The following VAV1 variants were observed in gnomAD, a reference collection of about 807,000 sequenced individuals.
The protein encoded by VAV1 is vav guanine nucleotide exchange factor 1.
Under a neutral mutation model 128.1 loss-of-function variants are expected in VAV1, and 33 were observed. The ratio of observed to expected loss-of-function variants is 0.26; its 90% CI spans 0.20 to 0.34. The LOEUF (loss-of-function observed/expected upper bound fraction) is 0.34, where lower values mean the gene tolerates loss of function less well. Among genes scored for constraint, VAV1 ranks in the 10% least tolerant of loss-of-function variants. The probability of loss-of-function intolerance (pLI) is 1.00; values close to 1 mark genes in which losing one functional copy is unlikely to be tolerated. For missense variants in VAV1, 715 were observed against 1,093.7 expected, an observed-to-expected ratio of 0.65 and a Z score of 4.88; for synonymous variants, 394 against 409.8, an observed-to-expected ratio of 0.96 and a Z score of 0.47.
chr19:6,832,894 G>C (rs944986366), intron 15 of VAV1, among the ~76,000 whole-genome samples: 2 of 152,118 alleles, frequency 1.3e-5, no homozygotes, highest in African/African-American at 2.4e-5. Flanking sequence ...CCTCTATCCA[G>C]TTTCAAAACC....
chr19:6,815,072 C>T (rs775412473), intron 1 of VAV1, among the ~76,000 whole-genome samples: 7 of 151,934 alleles, frequency 4.6e-5, no homozygotes, highest in Non-Finnish European at 1.0e-4. Context: ...GAGCCTTGGG[C>T]GAGCAACAGA....
At chr19:6,799,654 T>C (rs985180212) in intron 1 of VAV1, among the ~76,000 whole-genome samples, 3 of 151,912 alleles carry the variant, frequency 2.0e-5, no homozygotes, top group Non-Finnish European at 4.4e-5. Context: ...TGGTTGAGGT[T>C]TGAATTACTG....
In VAV1 at chr19:6,772,879, C is replaced by G. The variant is rs1970534049; in HGVS notation, c.72C>G (p.Thr24=). The G allele has an allele frequency of 6.2e-7, 1 of 1,614,150 alleles. No individual in the cohort carries two copies. Among genetic ancestry groups the G allele is most frequent in the South Asian group, 1.1e-5 (1 of 91,090 alleles). ...CRVLPPSHRV[T]WDGAQVCELA... ...TGCTGCCGCCCAGCCACCGCGTGAC[C>G]TGGGATGGGGCTCAGGTGTGTGAAC... The change falls in exon 1 of 27, where the codon ACC becomes ACG. Residue 24 remains threonine, a synonymous_variant. Transcript: ENST00000602142. The surrounding 1 kb of genome is among the most constrained non-coding windows in gnomAD (Gnocchi z 4.8).
chr19:6,805,603 C>CACACACACACACAT (rs1971378685), intron 1 of VAV1, among the ~76,000 whole-genome samples: 1 of 151,284 alleles, frequency 6.6e-6, no homozygotes, highest in Non-Finnish European at 1.5e-5. Flanking sequence ...CACACACACA[C>CACACACACACACAT]ACACACACAC....
chr19:6,832,281 T>C (rs1324503147), intron 15 of VAV1, 81 bp downstream of exon 15: 1 of 1,331,728 alleles, frequency 7.5e-7, no homozygotes, highest in Non-Finnish European at 1.1e-6. Context: ...GTCCCTACTC[T>C]GTCCTGACAT....
At chr19:6,802,345 A>G (rs1435280786) in intron 1 of VAV1, among the ~76,000 whole-genome samples, 1 of 152,022 alleles carries the variant, frequency 6.6e-6, no homozygotes, top group East Asian at 1.9e-4. Flanking sequence ...TATAATAATA[A>G]TAAAATTAAA....
At chr19:6,832,351 A>AG in intron 15 of VAV1, 151 bp downstream of exon 15, 1 of 727,014 alleles carries the variant, frequency 1.4e-6, no homozygotes, top group East Asian at 2.7e-5. Context: ...GACAGGCCCA[A>AG]GGCTGTCTTC....
intron 22 of VAV1, 109 bp from the exon 23 acceptor site, chr19:6,847,889 C>A: frequency 9.7e-7 from 1 of 1,029,392 alleles, no homozygotes; most frequent in East Asian, 3.0e-5. Flanking sequence ...CAGGCTGTCA[C>A]CAACTTAAAA....
chr19:6,807,330 G>A (rs963955959), intron 1 of VAV1, among the ~76,000 whole-genome samples: 4 of 151,902 alleles, frequency 2.6e-5, no homozygotes, highest in Non-Finnish European at 5.9e-5. Flanking sequence ...GGAGACAGTG[G>A]CAGATCATCA....
At chr19:6,827,938 C>A in intron 9 of VAV1, 138 bp from the exon 10 acceptor site, 1 of 680,778 alleles carries the variant, frequency 1.5e-6, no homozygotes, top group Non-Finnish European at 2.6e-6. Context: ...AGATATGATG[C>A]TTTGGCCTCT....
chr19:6,847,945 G>T, intron 22 of VAV1, 53 bp from the exon 23 acceptor site: 1 of 1,421,064 alleles, frequency 7.0e-7, no homozygotes, highest in Non-Finnish European at 9.2e-7. Context: ...ATGGCAATAT[G>T]GGGACCCAGG....
intron 24 of VAV1, among the ~76,000 whole-genome samples, chr19:6,852,614 G>C (rs564328576): frequency 6.6e-6 from 1 of 151,800 alleles, no homozygotes; most frequent in African/African-American, 2.4e-5. Flanking sequence ...CCAGCTACTC[G>C]GGAGGCTGAG....
rs1273422725 is a variant in VAV1 at position 6,828,509 on chromosome 19, G to A, written c.1092+22G>A. 2 of 1,613,980 alleles carry A rather than the reference G, an allele frequency of 1.2e-6. No homozygotes were observed. The highest frequency in any genetic ancestry group is 2.7e-5 in the African/African-American group (2 of 74,898). On this transcript the variant is annotated intron_variant, in intron 11 of 26. Coordinates refer to ENST00000602142, the MANE Select transcript of VAV1 (RefSeq NM_005428.4). The surrounding 1 kb of genome is among the most constrained non-coding windows in gnomAD (Gnocchi z 4.5). ...GAGGGTGAGTGGGTGTAGGGTGCTG[G>A]TGACTCACCTGCTGCAGACACCCTC...
chr19:6,814,682 T>TCTCTCTCTCTCTCTCTC (rs1971595417), intron 1 of VAV1, among the ~76,000 whole-genome samples: 1 of 111,518 alleles, frequency 9.0e-6, no homozygotes, highest in African/African-American at 4.4e-5. Flanking sequence ...CTTTCTTTCT[T>TCTCTCTCTCTCTCTCTC]TCTTTCTTTC....
intron 21 of VAV1, among the ~76,000 whole-genome samples, chr19:6,839,974 G>C (rs534212378): frequency 9.3e-4 from 142 of 152,274 alleles, no homozygotes; most frequent in African/African-American, 3.2e-3. Context: ...TTACAGGCCT[G>C]AGCCGCCATG....
At chr19:6,813,641 T>C (rs1599646581) in intron 1 of VAV1, among the ~76,000 whole-genome samples, 1 of 152,276 alleles carries the variant, frequency 6.6e-6, no homozygotes, top group East Asian at 1.9e-4. Flanking sequence ...ATGGCTGAGG[T>C]TTTCTATACA....
chr19:6,843,078 C>G, intron 21 of VAV1, 57 bp from the exon 22 acceptor site: 2 of 1,571,526 alleles, frequency 1.3e-6, no homozygotes, highest in Non-Finnish European at 8.8e-7. Flanking sequence ...GTGCCCTGCC[C>G]TCTGCTGTCA....
At chr19:6,853,814 C>T (rs1972724916) in intron 25 of VAV1, 133 bp from the exon 26 acceptor site, 1 of 1,091,506 alleles carries the variant, frequency 9.2e-7, no homozygotes, top group African/African-American at 1.6e-5. Flanking sequence ...CAGTACAGGG[C>T]ATCTAATACT....
chr19:6,810,634 G>A (rs1356931236), intron 1 of VAV1, among the ~76,000 whole-genome samples: 1 of 152,130 alleles, frequency 6.6e-6, no homozygotes, highest in Non-Finnish European at 1.5e-5. Context: ...GAACCCAGGA[G>A]GCGGAGGTTG....
Sources: gnomAD v4.1 joint callset for allele counts (sites outside exome capture counted in the v4.1 genomes callset) on GRCh38, gnomAD v4.1.1 for gene constraint, Gnocchi (gnomAD v3.1) non-coding constraint, MANE v1.5 for transcripts, NCBI Gene and HGNC (gene_info 2026-07-23, HGNC 2026-07-21) for gene names.